Variants in MTMR7 observed in about 807,000 individuals in gnomAD.
MTMR7 encodes the protein myotubularin related protein 7.
MTMR7 carries 76 observed loss-of-function variants against 81.2 expected under a neutral mutation model. That is an observed-to-expected ratio of 0.94 (90% CI 0.78 to 1.13). MTMR7 has a LOEUF of 1.13. MTMR7 is among the 50% of genes most tolerant of loss of function. The pLI, the probability that MTMR7 is intolerant of heterozygous loss-of-function variation, is 0.00. For missense variants in MTMR7, 1,044 were observed against 820.0 expected (o/e 1.27, Z -3.34); for synonymous variants, 372 against 289.8 (o/e 1.28, Z -2.88).
chr8:17,303,599 A>T (rs546369142), intron 12 of MTMR7, among the ~76,000 whole-genome samples: 1 of 130,612 alleles, frequency 7.7e-6, no homozygotes, highest in Non-Finnish European at 1.6e-5. Flanking sequence ...CATTCTCCCC[A>T]TACATACAAT....
At chr8:17,378,314 A>G (rs1181391849) in intron 1 of MTMR7, among the ~76,000 whole-genome samples, 1 of 152,248 alleles carries the variant, frequency 6.6e-6, no homozygotes, top group Admixed American at 6.5e-5. Flanking sequence ...ATTAAAATTC[A>G]GTTGTCTTAG....
chr8:17,351,057 G>C (rs375534495), intron 4 of MTMR7, among the ~76,000 whole-genome samples: 56 of 152,316 alleles, frequency 3.7e-4, no homozygotes, highest in African/African-American at 1.3e-3. Flanking sequence ...CCAGCTAGAA[G>C]ACTATGACGT....
chr8:17,300,888 T>C (rs1414600029), intron 13 of MTMR7, among the ~76,000 whole-genome samples: 1 of 152,238 alleles, frequency 6.6e-6, no homozygotes, highest in Non-Finnish European at 1.5e-5. Context: ...GATTTTTGTA[T>C]CTGGCTTCCT....
At chr8:17,323,592 GT>G (rs1482503376) in intron 7 of MTMR7, among the ~76,000 whole-genome samples, 1 of 152,106 alleles carries the variant, frequency 6.6e-6, no homozygotes, top group Non-Finnish European at 1.5e-5. Flanking sequence ...GACTGAGATG[GT>G]GGCTGCCAGT....
intron 4 of MTMR7, among the ~76,000 whole-genome samples, chr8:17,352,140 G>A (rs1301008879): frequency 6.6e-6 from 1 of 152,044 alleles, no homozygotes; most frequent in African/African-American, 2.4e-5. Flanking sequence ...AGCAAAAAAC[G>A]ATTTTGAAAA....
intron 6 of MTMR7, among the ~76,000 whole-genome samples, chr8:17,331,991 T>G (rs1242833406): frequency 1.3e-5 from 2 of 152,192 alleles, no homozygotes; most frequent in Admixed American, 1.3e-4. Flanking sequence ...CTGAAGAAGT[T>G]TATTAAATCC....
chr8:17,385,266 C>G (rs530397144), intron 1 of MTMR7, among the ~76,000 whole-genome samples: 49 of 151,996 alleles, frequency 3.2e-4, no homozygotes, highest in African/African-American at 1.1e-3. Context: ...CTGAATGGCT[C>G]GGCACCATCC....
intron 7 of MTMR7, among the ~76,000 whole-genome samples, chr8:17,317,155 T>C (rs1818130946): frequency 6.6e-6 from 1 of 152,218 alleles, no homozygotes; most frequent in Non-Finnish European, 1.5e-5. Flanking sequence ...GGGTGTGGTC[T>C]CTGTCCTGCA....
In MTMR7 at chr8:17,364,227, T is replaced by A. The variant is rs933843121; in HGVS notation, c.311-2953A>T. Among the ~76,000 whole-genome samples the A allele has an allele frequency of 7.3e-5, 11 of 151,392 alleles. No homozygotes were observed. In the South Asian group the frequency reaches 2.3e-3, roughly 32 times the overall value. On this transcript the variant is annotated intron_variant, in intron 3 of 13. Transcript: ENST00000180173. ...TGCATTTTTTTTTAGTAGAGACGGGTTTTCACTGTGTTAGCCAAGATGGTC... is the reference window on the plus strand; with the variant it reads ...TGCATTTTTTTTTAGTAGAGACGGGATTTCACTGTGTTAGCCAAGATGGTC...
intron 3 of MTMR7, among the ~76,000 whole-genome samples, chr8:17,369,799 C>A (rs968648337): frequency 2.0e-5 from 3 of 151,912 alleles, no homozygotes; most frequent in Non-Finnish European, 4.4e-5. Context: ...GCGCACACTG[C>A]CACGCCCAGC....
chr8:17,325,416 G>A (rs546767491), intron 7 of MTMR7, among the ~76,000 whole-genome samples: 5 of 152,348 alleles, frequency 3.3e-5, no homozygotes, highest in South Asian at 4.1e-4. Context: ...AGGGCCACCT[G>A]ACTTTGCCAC....
intron 5 of MTMR7, among the ~76,000 whole-genome samples, chr8:17,343,043 G>T (rs1025216302): frequency 6.6e-6 from 1 of 152,054 alleles, no homozygotes; most frequent in Non-Finnish European, 1.5e-5. Context: ...ATCTTTAAGG[G>T]GTCAGGGTCT....
At chr8:17,402,362 T>C (rs1249476226) in intron 1 of MTMR7, among the ~76,000 whole-genome samples, 1 of 152,198 alleles carries the variant, frequency 6.6e-6, no homozygotes, top group Non-Finnish European at 1.5e-5. Flanking sequence ...AACTACTTTC[T>C]GTAGCCGTTA....
At chr8:17,326,354 A>T (rs1214025300) in intron 7 of MTMR7, 1 of 152,228 alleles carries the variant, frequency 6.6e-6, no homozygotes, top group Non-Finnish European at 1.5e-5. Flanking sequence ...AATACAGCTT[A>T]AAAAATCTGA....
chr8:17,376,101 T>TA (rs1217156000), intron 1 of MTMR7, among the ~76,000 whole-genome samples: 2 of 152,158 alleles, frequency 1.3e-5, no homozygotes, highest in Admixed American at 6.5e-5. Context: ...ACTCCGGCCC[T>TA]AAAAAAATCA....
chr8:17,299,645 G>T lies in MTMR7; in HGVS notation c.*217C>A, dbSNP rs1816967156. 2 of 593,962 alleles carry T rather than the reference G, an allele frequency of 3.4e-6. No individual in the cohort carries two copies. Among genetic ancestry groups the T allele is most frequent in the Admixed American group, 6.1e-5 (2 of 32,622 alleles). The allele number at this position is 593,962 out of a possible 1,614,324, so 36.8% of individuals were successfully genotyped here. A position where few individuals can be genotyped will look rare whatever the true frequency, so the allele number is the denominator to read the frequency against. Reference sequence around the variant, plus strand: ...ATAGTCTAGGGTGAGCTTCAAAATGGTGAATAATTTTCCTTATATTTGATA... The same window carrying T: ...ATAGTCTAGGGTGAGCTTCAAAATGTTGAATAATTTTCCTTATATTTGATA... On this transcript the variant is annotated 3_prime_UTR_variant, in exon 14 of 14. Transcript: ENST00000180173.
At chr8:17,408,395 C>CAAAAAAAAAAAAAAAAA (rs530240881) in intron 1 of MTMR7, among the ~76,000 whole-genome samples, 6 of 23,508 alleles carry the variant, frequency 2.6e-4, no homozygotes, top group Non-Finnish European at 3.3e-4. Context: ...GACTCCGTCT[C>CAAAAAAAAAAAAAAAAA]AAAAAAAAAA....
At chr8:17,314,221 A>C (rs1417566137) in intron 7 of MTMR7, among the ~76,000 whole-genome samples, 2 of 152,340 alleles carry the variant, frequency 1.3e-5, no homozygotes, top group East Asian at 3.9e-4. Context: ...AGACCTATAA[A>C]GCCCTATTGA....
chr8:17,358,181 C>T (rs932178663), intron 4 of MTMR7, among the ~76,000 whole-genome samples: 2 of 151,896 alleles, frequency 1.3e-5, no homozygotes, highest in Non-Finnish European at 2.9e-5. Context: ...CTTAAAAAGA[C>T]AAAACATTTA....
Sources: allele counts gnomAD v4.1 joint callset (sites outside exome capture counted in the v4.1 genomes callset), GRCh38; gene constraint gnomAD v4.1.1; transcripts MANE v1.5; gene names NCBI Gene and HGNC (gene_info 2026-07-23, HGNC 2026-07-21).